EDIL3: variants seen among roughly 807,000 people sequenced by gnomAD.
EDIL3 encodes the protein EGF-like repeat and discoidin I-like domain-containing protein 3.
In EDIL3, 37 loss-of-function variants were observed where a neutral mutation model predicts 67.4. That is an observed-to-expected ratio of 0.55 (90% CI 0.42 to 0.72). The LOEUF (loss-of-function observed/expected upper bound fraction) is 0.72. Among genes scored for constraint, EDIL3 ranks in the 30% least tolerant of loss-of-function variants. EDIL3 has a pLI of 0.00. For synonymous variants in EDIL3, 195 were observed against 196.3 expected (o/e 0.99, Z 0.05); for missense variants, 527 against 586.3 (o/e 0.90, Z 1.04).
chr5:84,186,854 A>G (rs1294285600), intron 3 of EDIL3, among the ~76,000 whole-genome samples: 1 of 152,108 alleles, frequency 6.6e-6, no homozygotes, highest in Non-Finnish European at 1.5e-5. Flanking sequence ...AAAAGATAGA[A>G]GACAAGGGCA....
chr5:84,060,690 T>A (rs1746526426), intron 8 of EDIL3, among the ~76,000 whole-genome samples: 1 of 152,162 alleles, frequency 6.6e-6, no homozygotes, highest in Non-Finnish European at 1.5e-5. Flanking sequence ...AGCTATTTTG[T>A]CTGAATATAT....
At chr5:84,344,061 C>T (rs1469668340) in intron 1 of EDIL3, among the ~76,000 whole-genome samples, 3 of 152,076 alleles carry the variant, frequency 2.0e-5, no homozygotes, top group Non-Finnish European at 4.4e-5. Flanking sequence ...GCCTACCTAT[C>T]TCTGAAAACA....
chr5:84,111,587 A>G (rs1216013491), intron 5 of EDIL3, among the ~76,000 whole-genome samples: 1 of 152,228 alleles, frequency 6.6e-6, no homozygotes, highest in African/African-American at 2.4e-5. Context: ...ATGCTCTTAA[A>G]AGATTCACAT....
intron 6 of EDIL3, among the ~76,000 whole-genome samples, chr5:84,093,979 T>C (rs1747215494): frequency 6.6e-6 from 1 of 152,100 alleles, no homozygotes; most frequent in Non-Finnish European, 1.5e-5. Flanking sequence ...TTTTTAAAAA[T>C]ACAGAGCAAC....
chr5:84,348,898 A>T (rs1316558795), intron 1 of EDIL3, among the ~76,000 whole-genome samples: 1 of 152,230 alleles, frequency 6.6e-6, no homozygotes, highest in African/African-American at 2.4e-5. Context: ...GTTAAATAAA[A>T]ATCATATTTA....
At chr5:83,957,586 A>C (rs186884504) in intron 10 of EDIL3, among the ~76,000 whole-genome samples, 51 of 151,750 alleles carry the variant, frequency 3.4e-4, no homozygotes, top group African/African-American at 1.2e-3. Context: ...AGCTTTATTA[A>C]TGGGGACTGA....
intron 9 of EDIL3, among the ~76,000 whole-genome samples, chr5:83,988,516 G>C (rs560364610): frequency 6.6e-5 from 10 of 152,238 alleles, no homozygotes; most frequent in Admixed American, 4.6e-4. Flanking sequence ...TGGAGTGGAA[G>C]AGCTCTCTCT....
At position 84,334,067 on chromosome 5, in the gene EDIL3, A is replaced by ATT. The variant is rs5869222; in HGVS notation, c.67+50239_67+50240dup. On this transcript the variant is annotated intron_variant, in intron 1 of 10. Coordinates refer to ENST00000296591, the MANE Select transcript of EDIL3 (RefSeq NM_005711.5). ...ACACAGGGGCCATGTGGAAGAGTTG[A>ATT]TTTTTTTTTTTTTTTTGAGATGGAA... Among the ~76,000 whole-genome samples the ATT allele has an allele frequency of 4.9e-5, 7 of 142,082 alleles. No individual in the cohort carries two copies. In the South Asian group the frequency reaches 6.8e-4, roughly 14 times the overall value. The allele number at this position is 142,082 out of a possible 152,430, so 93.2% of individuals were successfully genotyped here.
chr5:84,219,093 C>T (rs1020121703), intron 3 of EDIL3, among the ~76,000 whole-genome samples: 9 of 152,176 alleles, frequency 5.9e-5, no homozygotes, highest in African/African-American at 1.9e-4. Context: ...AGTGCTATCC[C>T]AGTGTTGGTG....
intron 5 of EDIL3, among the ~76,000 whole-genome samples, chr5:84,114,881 G>T (rs1747636917): frequency 6.6e-6 from 1 of 152,056 alleles, no homozygotes. Flanking sequence ...AGGTGTCCAG[G>T]TTAAATGAAG....
At chr5:83,962,354 A>G (rs1358122707) in intron 10 of EDIL3, among the ~76,000 whole-genome samples, 2 of 151,470 alleles carry the variant, frequency 1.3e-5, no homozygotes, top group Non-Finnish European at 3.0e-5. Context: ...CATTCCTTGC[A>G]CAGTGACTCT....
chr5:84,043,541 G>C (rs946938531), intron 9 of EDIL3, among the ~76,000 whole-genome samples: 1 of 152,178 alleles, frequency 6.6e-6, no homozygotes, highest in Non-Finnish European at 1.5e-5. Flanking sequence ...GCAAAAAAAG[G>C]CTGTTAAGGT....
chr5:84,383,807 G>C (rs969136494), intron 1 of EDIL3, among the ~76,000 whole-genome samples: 5 of 152,156 alleles, frequency 3.3e-5, no homozygotes, highest in Non-Finnish European at 7.3e-5. Flanking sequence ...GTTTGCGAAC[G>C]GCTCAGCCCA....
intron 9 of EDIL3, among the ~76,000 whole-genome samples, chr5:83,984,669 C>G (rs1745028909): frequency 6.6e-6 from 1 of 151,968 alleles, no homozygotes; most frequent in Non-Finnish European, 1.5e-5. Flanking sequence ...AGCATTGGAG[C>G]TGGAAGTTTG....
At chr5:84,208,661 G>T (rs1169525209) in intron 3 of EDIL3, among the ~76,000 whole-genome samples, 1 of 128,792 alleles carries the variant, frequency 7.8e-6, no homozygotes, top group African/African-American at 3.0e-5. Flanking sequence ...AGTCCGGCCT[G>T]GGCAACAGAG....
At chr5:84,223,988 C>G (rs1744400090) in intron 3 of EDIL3, among the ~76,000 whole-genome samples, 1 of 150,856 alleles carries the variant, frequency 6.6e-6, no homozygotes, top group Non-Finnish European at 1.5e-5. Context: ...TTAATAGCTA[C>G]TTATATAGAA....
intron 1 of EDIL3, among the ~76,000 whole-genome samples, chr5:84,267,204 A>G (rs537157911): frequency 1.3e-5 from 2 of 152,156 alleles, no homozygotes; most frequent in East Asian, 3.9e-4. Context: ...AGGTCTCTTC[A>G]TTCTCTACCC....
chr5:84,248,853 T>C (rs1412404862), intron 2 of EDIL3, among the ~76,000 whole-genome samples: 1 of 152,182 alleles, frequency 6.6e-6, no homozygotes, highest in Admixed American at 6.5e-5. Context: ...CTTCATCCCG[T>C]TAGTTACCAC....
intron 9 of EDIL3, among the ~76,000 whole-genome samples, chr5:84,023,142 G>A (rs1197028015): frequency 1.3e-5 from 2 of 151,990 alleles, no homozygotes; most frequent in Non-Finnish European, 2.9e-5. Flanking sequence ...GAGTGATGAT[G>A]ATGGATGTGT....
Sources: gnomAD v4.1 joint callset for allele counts (sites outside exome capture counted in the v4.1 genomes callset) on GRCh38, gnomAD v4.1.1 for gene constraint, MANE v1.5 for transcripts, NCBI Gene and HGNC (gene_info 2026-07-23, HGNC 2026-07-21) for gene names.